Variants in UQCC1 observed in about 807,000 individuals in gnomAD.
The protein encoded by UQCC1 is bFGF-repressed Zic-binding protein.
Under a neutral mutation model 48.0 loss-of-function variants are expected in UQCC1, and 38 were observed. That is an observed-to-expected ratio of 0.79 (90% CI 0.61 to 1.04). The LOEUF is 1.04. UQCC1 is among the 50% of genes least tolerant of loss of function. The pLI, the probability that UQCC1 is intolerant of heterozygous loss-of-function variation, is 0.00. For synonymous variants in UQCC1, 111 were observed against 129.2 expected (o/e 0.86, Z 0.95); for missense variants, 368 against 381.8 (o/e 0.96, Z 0.30).
intron 7 of UQCC1, among the ~76,000 whole-genome samples, chr20:35,331,112 T>C (rs1412448703): frequency 6.6e-6 from 1 of 152,120 alleles, no homozygotes; most frequent in Admixed American, 6.5e-5. Context: ...CAAAACGGTA[T>C]GGGACAGGGA....
intron 5 of UQCC1, among the ~76,000 whole-genome samples, chr20:35,371,965 G>A (rs550526654): frequency 6.6e-6 from 1 of 152,034 alleles, no homozygotes; most frequent in Admixed American, 6.6e-5. Context: ...GCAGTAAAAG[G>A]GCTAGAGCCA....
intron 7 of UQCC1, among the ~76,000 whole-genome samples, chr20:35,338,913 A>ATATG (rs1183937195): frequency 0.011 from 603 of 55,582 alleles, 91 homozygotes; most frequent in East Asian, 0.025. Context: ...ATATATGGAG[A>ATATG]GATTTTTCAA....
At chr20:35,408,169 C>A (rs6088825) in intron 1 of UQCC1, among the ~76,000 whole-genome samples, 1 of 152,018 alleles carries the variant, frequency 6.6e-6, no homozygotes, top group Non-Finnish European at 1.5e-5. Context: ...TGGTTCACAC[C>A]TGTAATCCTA....
intron 2 of UQCC1, among the ~76,000 whole-genome samples, chr20:35,393,495 CACACACAA>C (rs1487566149): frequency 4.6e-5 from 4 of 86,108 alleles, no homozygotes; most frequent in African/African-American, 9.9e-5. Context: ...CACACACAAA[CACACACAA>C]ACACACACAC....
At chr20:35,405,395 G>C (rs1360564192) in intron 1 of UQCC1, among the ~76,000 whole-genome samples, 1 of 151,990 alleles carries the variant, frequency 6.6e-6, no homozygotes, top group Non-Finnish European at 1.5e-5. Flanking sequence ...TTCCGGAGTG[G>C]CCACATTATT....
intron 7 of UQCC1, among the ~76,000 whole-genome samples, chr20:35,318,935 T>C (rs2061092865): frequency 6.6e-6 from 1 of 152,210 alleles, no homozygotes; most frequent in Non-Finnish European, 1.5e-5. Flanking sequence ...TCATTCTATA[T>C]GGAGCACTCT....
Position 35,314,703 on chromosome 20 carries a change from G to T in UQCC1, c.636C>A (p.Ile212=). The change falls in exon 8 of 10, where the codon ATC becomes ATA. Residue 212 remains isoleucine, a synonymous_variant. Transcript: ENST00000374385. ...ACAATCTTACCTCATCATATCCCAA[G>T]ATCGCTGCATAGAAATGATTTGTCA... ...ILMTNHFYAA[I]LGYDEGILSD... 6.2e-7 allele frequency: 1 copy of T among 1,608,204 alleles called. No individual in the cohort carries two copies. Among genetic ancestry groups the T allele is most frequent in the East Asian group, 2.2e-5 (1 of 44,782 alleles).
At chr20:35,404,962 G>A (rs1156796813) in intron 1 of UQCC1, among the ~76,000 whole-genome samples, 1 of 152,152 alleles carries the variant, frequency 6.6e-6, no homozygotes, top group Non-Finnish European at 1.5e-5. Context: ...ATATATTCCT[G>A]GGCATCTAGG....
At chr20:35,354,303 G>A (rs1001161895) in intron 6 of UQCC1, among the ~76,000 whole-genome samples, 4 of 152,036 alleles carry the variant, frequency 2.6e-5, no homozygotes, top group Non-Finnish European at 5.9e-5. Context: ...TATACAACCA[G>A]CAAAGATTGT....
At chr20:35,360,968 C>A (rs2061599553) in intron 6 of UQCC1, among the ~76,000 whole-genome samples, 2 of 152,126 alleles carry the variant, frequency 1.3e-5, no homozygotes, top group South Asian at 4.2e-4. Flanking sequence ...CTCGGGTCAG[C>A]CACTACTGAG....
chr20:35,392,905 A>G (rs1437597331), intron 2 of UQCC1, among the ~76,000 whole-genome samples: 1 of 152,046 alleles, frequency 6.6e-6, no homozygotes, highest in Non-Finnish European at 1.5e-5. Context: ...AAAATCATAA[A>G]TTGGTAAGAA....
At chr20:35,341,822 T>C (rs1055971144) in intron 7 of UQCC1, among the ~76,000 whole-genome samples, 1 of 152,078 alleles carries the variant, frequency 6.6e-6, no homozygotes, top group African/African-American at 2.4e-5. Context: ...GGAATTCAGC[T>C]TGGCTGGAGT....
At chr20:35,397,051 T>C (rs1330978807) in intron 1 of UQCC1, among the ~76,000 whole-genome samples, 1 of 151,460 alleles carries the variant, frequency 6.6e-6, no homozygotes, top group Non-Finnish European at 1.5e-5. Flanking sequence ...AGGAAAAAAA[T>C]ACCGGGCATG....
intron 6 of UQCC1, among the ~76,000 whole-genome samples, chr20:35,348,736 C>T (rs1172678105): frequency 6.6e-6 from 1 of 152,180 alleles, no homozygotes; most frequent in Admixed American, 6.5e-5. Context: ...TCACTGTAGC[C>T]TCAACCTCCC....
chr20:35,357,969 T>C (rs2061564937), intron 6 of UQCC1, among the ~76,000 whole-genome samples: 1 of 152,208 alleles, frequency 6.6e-6, no homozygotes, highest in South Asian at 2.1e-4. Flanking sequence ...GTCAGACCTC[T>C]GTTGGAAACG....
intron 8 of UQCC1, chr20:35,307,009 G>T: frequency 1.8e-6 from 1 of 552,142 alleles, no homozygotes; most frequent in Non-Finnish European, 3.3e-6. Context: ...GGGTCCAGAG[G>T]GGCCAAGCCA....
At chr20:35,400,518 C>T (rs1048699104) in intron 1 of UQCC1, among the ~76,000 whole-genome samples, 1 of 145,978 alleles carries the variant, frequency 6.9e-6, no homozygotes, top group African/African-American at 2.6e-5. Context: ...TTTTTTGAGA[C>T]GGAGTCTCGC....
intron 7 of UQCC1, among the ~76,000 whole-genome samples, chr20:35,316,170 T>C (rs1358206988): frequency 6.6e-6 from 1 of 152,210 alleles, no homozygotes; most frequent in Non-Finnish European, 1.5e-5. Context: ...CTGATGGTTT[T>C]GGAAATAGCC....
chr20:35,348,371 TTTTTG>T (rs142041816), intron 6 of UQCC1, among the ~76,000 whole-genome samples: 81,359 of 150,804 alleles, frequency 0.54, 22,944 homozygotes, highest in East Asian at 0.71. Context: ...AGTTCATTCT[TTTTTG>T]TTTTGTTTTG....
Sources: gnomAD v4.1 joint callset for allele counts (sites outside exome capture counted in the v4.1 genomes callset) on GRCh38, gnomAD v4.1.1 for gene constraint, MANE v1.5 for transcripts, NCBI Gene and HGNC (gene_info 2026-07-23, HGNC 2026-07-21) for gene names.